ZNRF3: variants seen among roughly 807,000 people sequenced by gnomAD.
ZNRF3 encodes E3 ubiquitin-protein ligase ZNRF3.
In ZNRF3, 23 loss-of-function variants were observed where a neutral mutation model predicts 72.5. The ratio of observed to expected loss-of-function variants is 0.32; its 90% confidence interval spans 0.23 to 0.45. The LOEUF is 0.45. Among genes scored for constraint, ZNRF3 ranks in the 20% least tolerant of loss-of-function variants. The pLI is 1.00. For missense variants in ZNRF3, 1,169 were observed against 1,272.1 expected (o/e 0.92, Z 1.23); for synonymous variants, 610 against 545.3 (o/e 1.12, Z -1.65).
In ZNRF3 at chr22:28,940,496, C is replaced by CTT. The variant is rs575819283; in HGVS notation, c.301-46564_301-46563dup. ...GTTACAGAGCCACACTAGGTTTCTG[C>CTT]TTTTTTTTTTTTTTTTTCTTAAATA... On this transcript the variant is annotated intron_variant, in intron 1 of 8. Transcript: ENST00000544604. Among the ~76,000 whole-genome samples the CTT allele has an allele frequency of 4.7e-3, 655 of 138,212 alleles. 7 individuals are homozygous for CTT. The highest frequency in any genetic ancestry group is 0.025 in the South Asian group (109 of 4,332). 90.7% of individuals were successfully genotyped at this position (138,212 alleles called of 152,430 possible).
At chr22:29,045,720 G>T (rs556462427) in intron 5 of ZNRF3, among the ~76,000 whole-genome samples, 1 of 152,092 alleles carries the variant, frequency 6.6e-6, no homozygotes, top group African/African-American at 2.4e-5. Flanking sequence ...CATGTGATCC[G>T]CCCGCCTCGG....
intron 1 of ZNRF3, among the ~76,000 whole-genome samples, chr22:28,976,432 G>A (rs538095489): frequency 1.3e-5 from 2 of 152,278 alleles, no homozygotes; most frequent in South Asian, 4.2e-4. Flanking sequence ...TGAGTCAGGA[G>A]GAAGTCCTGG....
At chr22:28,999,861 C>T (rs1168200408) in intron 2 of ZNRF3, among the ~76,000 whole-genome samples, 2 of 152,178 alleles carry the variant, frequency 1.3e-5, no homozygotes, top group African/African-American at 4.8e-5. Context: ...TAAATTCTCA[C>T]TGAATGTAGA....
chr22:28,966,118 A>G (rs1424468591), intron 1 of ZNRF3, among the ~76,000 whole-genome samples: 1 of 152,216 alleles, frequency 6.6e-6, no homozygotes, highest in African/African-American at 2.4e-5. Flanking sequence ...GTCTACTTTC[A>G]GATAGTTTTC....
chr22:28,968,722 G>A (rs1482269040), intron 1 of ZNRF3, among the ~76,000 whole-genome samples: 1 of 152,158 alleles, frequency 6.6e-6, no homozygotes, highest in African/African-American at 2.4e-5. Flanking sequence ...AAAAAATAAA[G>A]TCATTGTCAG....
Position 28,912,662 on chromosome 22 carries a change from C to CT in ZNRF3, c.300+28615dup, listed in dbSNP as rs138371253. 4.8e-3 allele frequency among the ~76,000 whole-genome samples: 578 copies of CT among 119,520 alleles called. 11 individuals carry two copies. In the South Asian group the frequency reaches 0.049, roughly 10 times the overall value. 78.4% of individuals were successfully genotyped at this position (119,520 alleles called of 152,430 possible). ...TCAGGGACACGGTTTTCTTTTCTTT[C>CT]TTTTTTTTTTTTTTTTTTTGAGACG... On this transcript the variant is annotated intron_variant, in intron 1 of 8. Coordinates refer to ENST00000544604, the MANE Select transcript of ZNRF3 (RefSeq NM_001206998.2).
intron 1 of ZNRF3, chr22:28,917,272 C>T (rs1210482225): frequency 3.1e-4 from 3 of 9,834 alleles, no homozygotes; most frequent in African/African-American, 3.7e-4. Context: ...GGATAAAACA[C>T]ACACACACAC....
At chr22:28,914,495 C>CTTT (rs132544) in intron 1 of ZNRF3, among the ~76,000 whole-genome samples, 14 of 125,952 alleles carry the variant, frequency 1.1e-4, no homozygotes, top group African/African-American at 1.5e-4. Flanking sequence ...TGACATAGAG[C>CTTT]TTTTTTTTTT....
intron 1 of ZNRF3, among the ~76,000 whole-genome samples, chr22:28,967,757 C>G (rs567949660): frequency 6.6e-6 from 1 of 151,550 alleles, no homozygotes; most frequent in South Asian, 2.1e-4. Flanking sequence ...TGAAACCCAT[C>G]TCTACAAAAA....
At chr22:28,926,529 C>T (rs2034604772) in intron 1 of ZNRF3, among the ~76,000 whole-genome samples, 1 of 150,856 alleles carries the variant, frequency 6.6e-6, no homozygotes, top group Non-Finnish European at 1.5e-5. Flanking sequence ...TAAAATAGGC[C>T]AGGCATGGTG....
chr22:29,034,448 T>C (rs1032001535), intron 2 of ZNRF3, among the ~76,000 whole-genome samples: 1 of 152,196 alleles, frequency 6.6e-6, no homozygotes, highest in Admixed American at 6.5e-5. Context: ...CACCTTGACA[T>C]ACCATGAGCC....
intron 1 of ZNRF3, among the ~76,000 whole-genome samples, chr22:28,905,980 A>G (rs922884938): frequency 1.3e-5 from 2 of 152,168 alleles, no homozygotes; most frequent in African/African-American, 2.4e-5. Context: ...ACCATGAGGT[A>G]ATTGGAGGCA....
chr22:28,913,531 C>T (rs557035497), intron 1 of ZNRF3, among the ~76,000 whole-genome samples: 1 of 152,020 alleles, frequency 6.6e-6, no homozygotes, highest in East Asian at 1.9e-4. Flanking sequence ...TCCACAGGGC[C>T]CTGGGATAGA....
chr22:28,917,853 C>T (rs902799650), intron 1 of ZNRF3, among the ~76,000 whole-genome samples: 1 of 152,152 alleles, frequency 6.6e-6, no homozygotes, highest in Non-Finnish European at 1.5e-5. Flanking sequence ...CGTGCTGTCC[C>T]CTGGCCACCA....
intron 2 of ZNRF3, among the ~76,000 whole-genome samples, chr22:29,021,635 G>C (rs1196173970): frequency 6.6e-6 from 1 of 151,648 alleles, no homozygotes; most frequent in Non-Finnish European, 1.5e-5. Context: ...TTACAGGCAC[G>C]CGCCACCATG....
At chr22:29,020,287 G>C (rs1018130696) in intron 2 of ZNRF3, among the ~76,000 whole-genome samples, 3 of 106,792 alleles carry the variant, frequency 2.8e-5, no homozygotes, top group African/African-American at 1.2e-4. Flanking sequence ...CCAAGACAGA[G>C]TTTTGCTTTG....
chr22:29,001,832 TTG>T (rs535650154), intron 2 of ZNRF3, among the ~76,000 whole-genome samples: 1 of 152,310 alleles, frequency 6.6e-6, no homozygotes, highest in South Asian at 2.1e-4. Context: ...CTTGTGCTTT[TTG>T]TGTCATATCT....
chr22:28,940,128 A>G (rs1013456483), intron 1 of ZNRF3, among the ~76,000 whole-genome samples: 7 of 152,184 alleles, frequency 4.6e-5, no homozygotes, highest in African/African-American at 1.7e-4. Context: ...GTTAGAGAAA[A>G]TGCTGCCCAT....
In ZNRF3 at chr22:28,929,903, ACT is replaced by A. The variant is rs141930423; in HGVS notation, c.300+45839_300+45840del. Among the ~76,000 whole-genome samples the A allele has an allele frequency of 6.5e-3, 985 of 152,234 alleles. 13 individuals are homozygous for A. The highest frequency in any genetic ancestry group is 0.023 in the African/African-American group (937 of 41,538). ...TTTGTGAATAGGACCACAGATATGCACTCCTTACATTAACCTCAGCCTTGATG... is the reference window on the plus strand; with the variant it reads ...TTTGTGAATAGGACCACAGATATGCACCTTACATTAACCTCAGCCTTGATG... On this transcript the variant is annotated intron_variant, in intron 1 of 8. Transcript: ENST00000544604.
Sources: gnomAD v4.1 joint callset for allele counts (sites outside exome capture counted in the v4.1 genomes callset) on GRCh38, gnomAD v4.1.1 for gene constraint, MANE v1.5 for transcripts, NCBI Gene and HGNC (gene_info 2026-07-23, HGNC 2026-07-21) for gene names.